Variants in C12orf54 observed in about 807,000 individuals in gnomAD.
C12orf54 encodes chromosome 12 open reading frame 54, also known as uncharacterized protein C12orf54.
Under a neutral mutation model 26.4 loss-of-function variants are expected in C12orf54, and 24 were observed. The observed-to-expected ratio is 0.91, with a 90% confidence interval of 0.66 to 1.28. C12orf54 has a LOEUF of 1.28. Among genes scored for constraint, C12orf54 ranks in the 50% most tolerant of loss-of-function variants. The pLI is 0.00. For missense variants in C12orf54, 154 were observed against 150.9 expected (o/e 1.02, Z -0.11); for synonymous variants, 54 against 47.0 (o/e 1.15, Z -0.61).
At chr12:48,488,515 G>T in intron 4 of C12orf54, 1 of 376,944 alleles carries the variant, frequency 2.7e-6, no homozygotes, top group Non-Finnish European at 4.9e-6. Context: ...AAAAGAAAGT[G>T]CCGGAACTTT....
At chr12:48,485,391 G>A (rs1281198692) in intron 2 of C12orf54, among the ~76,000 whole-genome samples, 1 of 152,066 alleles carries the variant, frequency 6.6e-6, no homozygotes, top group Non-Finnish European at 1.5e-5. Context: ...TCTCTATTCT[G>A]GGTCCCCAGA....
At chr12:48,474,812 C>T in the C12orf54 span, among the ~76,000 whole-genome samples, 1 of 152,266 alleles carries the variant, frequency 6.6e-6, no homozygotes, top group South Asian at 2.1e-4. Flanking sequence ...TAGGCTCCAC[C>T]TCTAGGGGCA....
At chr12:48,452,561 T>C in the C12orf54 span, among the ~76,000 whole-genome samples, 3 of 151,928 alleles carry the variant, frequency 2.0e-5, no homozygotes, top group African/African-American at 7.2e-5. Flanking sequence ...ACAGAGTAAA[T>C]AGACAGCCTA....
the C12orf54 span, among the ~76,000 whole-genome samples, chr12:48,416,458 TTTGGTCAGTCAATA>T: frequency 0.021 from 3,124 of 152,300 alleles, 111 homozygotes; most frequent in African/African-American, 0.07. Flanking sequence ...GGTGGGCTTC[TTTGGTCAGTCAATA>T]TTGGCTCAAA....
At chr12:48,428,521 T>C in the C12orf54 span, among the ~76,000 whole-genome samples, 1 of 152,052 alleles carries the variant, frequency 6.6e-6, no homozygotes, top group Non-Finnish European at 1.5e-5. Flanking sequence ...CAAAAGATAA[T>C]TTAAGGCTAC....
intron 2 of C12orf54, chr12:48,483,588 C>T: frequency 2.0e-6 from 1 of 491,474 alleles, no homozygotes; most frequent in Non-Finnish European, 3.6e-6. Flanking sequence ...ATTGCAATTC[C>T]TCTAGGGGTT....
the C12orf54 span, among the ~76,000 whole-genome samples, chr12:48,433,384 A>C: frequency 6.6e-6 from 1 of 150,492 alleles, no homozygotes. Context: ...ACTTATCCTA[A>C]ATGGATTCTC....
At chr12:48,486,526 C>A in intron 3 of C12orf54, 162 bp from the exon 4 acceptor site, 1 of 704,060 alleles carries the variant, frequency 1.4e-6, no homozygotes, top group Non-Finnish European at 2.5e-6. Flanking sequence ...AATGATTCAC[C>A]AGGGCTGCAG....
intron 4 of C12orf54, 39 bp downstream of exon 4, chr12:48,486,765 G>A (rs1277984246): frequency 1.3e-6 from 2 of 1,583,056 alleles, no homozygotes; most frequent in Non-Finnish European, 1.7e-6. Context: ...CATGGCATGA[G>A]GTGGGAGGTG....
At chr12:48,427,844 T>G in the C12orf54 span, among the ~76,000 whole-genome samples, 1 of 151,984 alleles carries the variant, frequency 6.6e-6, no homozygotes, top group Admixed American at 6.6e-5. Context: ...TATAGAACAT[T>G]CCATCCAAGA....
the C12orf54 span, among the ~76,000 whole-genome samples, chr12:48,450,698 C>A: frequency 2.0e-5 from 3 of 152,256 alleles, no homozygotes; most frequent in Admixed American, 2.0e-4. Context: ...ATTATCAACA[C>A]CTCTATGCAC....
At chr12:48,466,096 T>C in the C12orf54 span, among the ~76,000 whole-genome samples, 1 of 152,124 alleles carries the variant, frequency 6.6e-6, no homozygotes, top group Non-Finnish European at 1.5e-5. Flanking sequence ...ATTTTCATCT[T>C]CCTAAAAAAC....
chr12:48,444,757 G>A, the C12orf54 span, among the ~76,000 whole-genome samples: 2 of 152,154 alleles, frequency 1.3e-5, no homozygotes, highest in Non-Finnish European at 2.9e-5. Context: ...ATCAGTTGGA[G>A]TCAGCTGACT....
At chr12:48,459,411 T>A in the C12orf54 span, among the ~76,000 whole-genome samples, 4 of 151,718 alleles carry the variant, frequency 2.6e-5, no homozygotes, top group Non-Finnish European at 5.9e-5. Context: ...TTTAAAACAG[T>A]GTGATTCATC....
intron 4 of C12orf54, chr12:48,487,881 A>T (rs1937688136): frequency 1.7e-6 from 1 of 573,628 alleles, no homozygotes; most frequent in Non-Finnish European, 3.1e-6. Flanking sequence ...TGGGTAACAC[A>T]GTAGGTGGAT....
intron 6 of C12orf54, among the ~76,000 whole-genome samples, chr12:48,492,710 C>T (rs946153283): frequency 2.0e-5 from 3 of 152,176 alleles, no homozygotes; most frequent in Non-Finnish European, 4.4e-5. Context: ...ACTCAGTTCC[C>T]AGCCCTGGAT....
the C12orf54 span, among the ~76,000 whole-genome samples, chr12:48,454,096 G>GTTTTTTTTTTTTTTTTTTTTTTTTT: frequency 1.1e-5 from 1 of 94,280 alleles, no homozygotes; most frequent in Non-Finnish European, 2.4e-5. Context: ...TTTTTTGTTT[G>GTTTTTTTTTTTTTTTTTTTTTTTTT]TTTTTTTTTT....
At chr12:48,440,882 AATAAG>A in the C12orf54 span, among the ~76,000 whole-genome samples, 4 of 152,354 alleles carry the variant, frequency 2.6e-5, no homozygotes, top group South Asian at 4.1e-4. Context: ...AGCAAAATAA[AATAAG>A]ATAACAATAA....
the C12orf54 span, among the ~76,000 whole-genome samples, chr12:48,477,198 T>C: frequency 1.3e-5 from 2 of 152,060 alleles, no homozygotes; most frequent in Non-Finnish European, 2.9e-5. Context: ...TTGAAACCAA[T>C]GAGAACGAAG....
Sources: gnomAD v4.1 joint callset for allele counts (sites outside exome capture counted in the v4.1 genomes callset) on GRCh38, gnomAD v4.1.1 for gene constraint, MANE v1.5 for transcripts, NCBI Gene and HGNC (gene_info 2026-07-23, HGNC 2026-07-21) for gene names.